The following COL5A2 variants were observed in gnomAD, a reference collection of about 807,000 sequenced individuals.
The protein encoded by COL5A2 is collagen type V alpha 2 chain.
In COL5A2, 23 loss-of-function variants were observed where a neutral mutation model predicts 208.2. That is an observed-to-expected ratio of 0.11 (90% confidence interval 0.08 to 0.16). The LOEUF is 0.16. Among genes scored for constraint, COL5A2 ranks in the 10% least tolerant of loss-of-function variants. The pLI is 1.00. For synonymous variants in COL5A2, 625 were observed against 628.5 expected (o/e 0.99, Z 0.08); for missense variants, 1,590 against 1,956.4 (o/e 0.81, Z 3.53).
intron 35 of COL5A2, among the ~76,000 whole-genome samples, chr2:189,054,947 C>T (rs897569467): frequency 6.6e-6 from 1 of 151,648 alleles, no homozygotes; most frequent in Non-Finnish European, 1.5e-5. Flanking sequence ...GCAGTGGCAC[C>T]ATCTCGGCTC....
At chr2:189,318,275 G>A in the COL5A2 span, among the ~76,000 whole-genome samples, 10 of 152,204 alleles carry the variant, frequency 6.6e-5, no homozygotes, top group Admixed American at 2.6e-4. Context: ...ATGACAAGGG[G>A]ATAAAAAATA....
At chr2:189,342,640 A>AACAC in the COL5A2 span, among the ~76,000 whole-genome samples, 4,527 of 143,616 alleles carry the variant, frequency 0.032, 67 homozygotes, top group Non-Finnish European at 0.034. Context: ...AGAGAGCTAA[A>AACAC]ACACACACAC....
At chr2:189,166,450 G>A (rs1330658649) in intron 1 of COL5A2, among the ~76,000 whole-genome samples, 1 of 152,042 alleles carries the variant, frequency 6.6e-6, no homozygotes, top group African/African-American at 2.4e-5. Context: ...AATTCAGCTG[G>A]CCAAGTTAGG....
At chr2:189,188,081 T>G (rs533948471) in intron 1 of COL5A2, among the ~76,000 whole-genome samples, 59 of 152,278 alleles carry the variant, frequency 3.9e-4, no homozygotes, top group African/African-American at 1.4e-3. Context: ...TTCTGCTGTG[T>G]TTTTCTTCTT....
intron 52 of COL5A2, among the ~76,000 whole-genome samples, chr2:189,036,253 G>A (rs915863896): frequency 1.3e-5 from 2 of 152,032 alleles, no homozygotes; most frequent in African/African-American, 2.4e-5. Flanking sequence ...AGGTAACCAG[G>A]TCTGCTGAAG....
At chr2:189,268,896 T>A in the COL5A2 span, among the ~76,000 whole-genome samples, 2 of 152,250 alleles carry the variant, frequency 1.3e-5, no homozygotes, top group East Asian at 3.9e-4. Flanking sequence ...ATTCAGCAGT[T>A]GCTTAACCTT....
intron 21 of COL5A2, 54 bp from the exon 22 acceptor site, chr2:189,066,836 C>T (rs1261493510): frequency 2.2e-6 from 3 of 1,361,672 alleles, no homozygotes; most frequent in East Asian, 2.3e-5. Flanking sequence ...CTAGTCCAAT[C>T]TGCTCAAATT....
the COL5A2 span, among the ~76,000 whole-genome samples, chr2:189,263,323 C>G: frequency 6.6e-6 from 1 of 152,050 alleles, no homozygotes; most frequent in African/African-American, 2.4e-5. Context: ...TGAAGTGTTT[C>G]CTTTGGGGAG....
At chr2:189,319,797 G>GC in the COL5A2 span, among the ~76,000 whole-genome samples, 1 of 152,222 alleles carries the variant, frequency 6.6e-6, no homozygotes, top group African/African-American at 2.4e-5. Flanking sequence ...GTCCCTGTCT[G>GC]ACAGCCTTGA....
chr2:189,210,462 T>C (rs537415061), intron 1 of COL5A2, among the ~76,000 whole-genome samples: 66 of 147,514 alleles, frequency 4.5e-4, no homozygotes, highest in Admixed American at 1.4e-3. Flanking sequence ...GAGGAAGCCA[T>C]TGAAAGTGGA....
chr2:189,102,011 G>A (rs1169922241), intron 3 of COL5A2, among the ~76,000 whole-genome samples: 1 of 152,000 alleles, frequency 6.6e-6, no homozygotes, highest in East Asian at 1.9e-4. Flanking sequence ...AACCATGTAA[G>A]AGCTATAATA....
intron 52 of COL5A2, among the ~76,000 whole-genome samples, chr2:189,035,859 A>G (rs901861515): frequency 8.5e-5 from 13 of 152,124 alleles, no homozygotes; most frequent in African/African-American, 3.1e-4. Flanking sequence ...AGGCTGCCAT[A>G]AAGAGATGCA....
At chr2:189,428,150 C>T in the COL5A2 span, among the ~76,000 whole-genome samples, 2 of 152,060 alleles carry the variant, frequency 1.3e-5, no homozygotes, top group Admixed American at 6.6e-5. Flanking sequence ...ATTTGGGAAG[C>T]GGCAGGGTGA....
intron 29 of COL5A2, among the ~76,000 whole-genome samples, chr2:189,062,616 C>T (rs1252868480): frequency 6.6e-6 from 1 of 151,978 alleles, no homozygotes; most frequent in Non-Finnish European, 1.5e-5. Flanking sequence ...TTAACTGTGA[C>T]ATATAAAAAC....
chr2:189,149,960 A>G (rs1688113208), intron 1 of COL5A2, among the ~76,000 whole-genome samples: 1 of 152,212 alleles, frequency 6.6e-6, no homozygotes, highest in African/African-American at 2.4e-5. Context: ...AAAATGATAT[A>G]TGTGTCTTAT....
chr2:189,061,074 C>T (rs1686020546), intron 30 of COL5A2, among the ~76,000 whole-genome samples: 1 of 152,034 alleles, frequency 6.6e-6, no homozygotes, highest in African/African-American at 2.4e-5. Flanking sequence ...GTTTTTATGG[C>T]TCTGTGAACA....
intron 1 of COL5A2, among the ~76,000 whole-genome samples, chr2:189,155,786 T>C (rs573498147): frequency 7.2e-5 from 11 of 152,192 alleles, no homozygotes; most frequent in Non-Finnish European, 1.5e-4. Context: ...TATCTTCTAG[T>C]TCTGGATGTC....
rs114202326 is a variant in COL5A2, at chr2:189,112,153, G to A, written c.98-1704C>T. Reference sequence around the variant, plus strand: ...ATTACAGCCGTGAACCACTGTGCCCGGCCTCCTCATTGTATAGCTTGATGC... The same window carrying A: ...ATTACAGCCGTGAACCACTGTGCCCAGCCTCCTCATTGTATAGCTTGATGC... On this transcript the variant is annotated intron_variant, in intron 1 of 53. Transcript: ENST00000374866. Among the ~76,000 whole-genome samples, 1,483 of 152,160 alleles carry A rather than the reference G, an allele frequency of 9.7e-3. 26 individuals are homozygous for A. The highest frequency in any genetic ancestry group is 0.034 in the African/African-American group (1,391 of 41,502).
the COL5A2 span, among the ~76,000 whole-genome samples, chr2:189,239,117 T>C: frequency 6.6e-6 from 1 of 152,118 alleles, no homozygotes; most frequent in Non-Finnish European, 1.5e-5. Context: ...CAAAAGGAAC[T>C]ACCAGATATT....
Sources: allele counts gnomAD v4.1 joint callset (sites outside exome capture counted in the v4.1 genomes callset), GRCh38; gene constraint gnomAD v4.1.1; transcripts MANE v1.5; gene names NCBI Gene and HGNC (gene_info 2026-07-23, HGNC 2026-07-21).